Variants in FOXP2 observed in about 807,000 individuals in gnomAD.
FOXP2 encodes the protein forkhead box protein P2.
FOXP2 carries 12 observed loss-of-function variants against 115.8 expected under a neutral mutation model. The observed-to-expected ratio is 0.10, with a 90% CI of 0.07 to 0.17. The LOEUF is 0.17. FOXP2 is among the 10% of genes least tolerant of loss of function. The pLI, the probability that FOXP2 is intolerant of heterozygous loss-of-function variation, is 1.00. For synonymous variants in FOXP2, 328 were observed against 297.7 expected, an observed-to-expected ratio of 1.10 and a Z score of -1.05; for missense variants, 629 against 843.5, an observed-to-expected ratio of 0.75 and a Z score of 3.15.
intron 2 of FOXP2, among the ~76,000 whole-genome samples, chr7:114,401,960 A>G (rs1186417663): frequency 6.6e-6 from 1 of 151,976 alleles, no homozygotes; most frequent in African/African-American, 2.4e-5. Flanking sequence ...CATCTCTTCT[A>G]AAAATACAAA....
intron 2 of FOXP2, among the ~76,000 whole-genome samples, chr7:114,447,954 A>G (rs1433809370): frequency 1.3e-5 from 2 of 152,164 alleles, no homozygotes; most frequent in Non-Finnish European, 2.9e-5. Context: ...TAGCAGATGA[A>G]AAAAAAGTTT....
intron 1 of FOXP2, among the ~76,000 whole-genome samples, chr7:114,251,614 G>A (rs945594515): frequency 6.6e-6 from 1 of 152,178 alleles, no homozygotes; most frequent in East Asian, 1.9e-4. Flanking sequence ...GTATAAGAAT[G>A]CTTGTGATTT....
chr7:114,556,661 A>T (rs1253085379), intron 3 of FOXP2, among the ~76,000 whole-genome samples: 3 of 152,244 alleles, frequency 2.0e-5, no homozygotes, highest in Non-Finnish European at 4.4e-5. Flanking sequence ...AAGTAATTAA[A>T]GGGTTTGCCT....
chr7:114,399,688 G>A (rs1316281122), intron 2 of FOXP2, among the ~76,000 whole-genome samples: 1 of 152,028 alleles, frequency 6.6e-6, no homozygotes, highest in Non-Finnish European at 1.5e-5. Context: ...TTCAGTGGAG[G>A]TGGAGGCAGA....
chr7:114,211,558 A>G (rs546173096), intron 1 of FOXP2, among the ~76,000 whole-genome samples: 20 of 152,312 alleles, frequency 1.3e-4, no homozygotes, highest in African/African-American at 4.8e-4. Flanking sequence ...AAGGTGCTGA[A>G]TTCACTTGCC....
intron 3 of FOXP2, among the ~76,000 whole-genome samples, chr7:114,557,296 C>T (rs1800512416): frequency 6.6e-6 from 1 of 152,108 alleles, no homozygotes; most frequent in South Asian, 2.1e-4. Context: ...AGATTCTGTA[C>T]CCTGGCATTT....
chr7:114,581,923 T>A (rs937947243), intron 3 of FOXP2, among the ~76,000 whole-genome samples: 1 of 152,178 alleles, frequency 6.6e-6, no homozygotes, highest in Non-Finnish European at 1.5e-5. Flanking sequence ...CAATAGAATA[T>A]ACCATAGAGC....
chr7:114,271,625 AT>A (rs1434543934), intron 1 of FOXP2, among the ~76,000 whole-genome samples: 15 of 122,316 alleles, frequency 1.2e-4, no homozygotes, highest in South Asian at 9.0e-4. Context: ...AAATAATTAT[AT>A]TATTAATATA....
intron 2 of FOXP2, among the ~76,000 whole-genome samples, chr7:114,523,447 A>G (rs1198193203): frequency 6.6e-6 from 1 of 152,110 alleles, no homozygotes; most frequent in Non-Finnish European, 1.5e-5. Context: ...TGACATATGC[A>G]GAGGCTATCT....
At position 114,498,775 on chromosome 7, in the gene FOXP2, A is replaced by G. The variant is rs1165784499; in HGVS notation, c.169-35842A>G. ...CAGCATCTTATTTAATTTTATAGGC[A>G]TACTTTGCAAATAATTTTTTTGGGG... On this transcript the variant is annotated intron_variant, in intron 2 of 16. Transcript: ENST00000350908. 8 of 703,798 alleles carry G rather than the reference A, an allele frequency of 1.1e-5. No individual in the cohort carries two copies. The East Asian group carries it at 1.9e-4, about 17-fold the overall frequency. The allele number at this position is 703,798 out of a possible 1,614,324, so 43.6% of individuals were successfully genotyped here. A position where few individuals can be genotyped will look rare whatever the true frequency, so the allele number is the denominator to read the frequency against.
At chr7:114,675,162 A>C (rs1807690081) in intron 16 of FOXP2, among the ~76,000 whole-genome samples, 1 of 152,118 alleles carries the variant, frequency 6.6e-6, no homozygotes, top group Admixed American at 6.6e-5. Context: ...GTTTTCATGA[A>C]TCTACCATCA....
rs1416975538 is a variant in FOXP2, at chr7:114,691,460, A to T, written c.*1534A>T. The T allele has an allele frequency of 2.2e-6, 1 of 454,002 alleles. No homozygotes were observed. The highest frequency in any genetic ancestry group is 4.4e-6 in the Non-Finnish European group (1 of 226,758). 28.1% of individuals were successfully genotyped at this position (454,002 alleles called of 1,614,324 possible). A position where few individuals can be genotyped will look rare whatever the true frequency, so the allele number is the denominator to read the frequency against. On this transcript the variant is annotated 3_prime_UTR_variant, in exon 17 of 17. Transcript: ENST00000350908. Reference sequence around the variant, plus strand: ...CTGCCTCTGCTTATACGGGATATTAACACTAACAATACACTCCCTTCAAAG... The same window carrying T: ...CTGCCTCTGCTTATACGGGATATTATCACTAACAATACACTCCCTTCAAAG...
chr7:114,308,029 T>A (rs1021100375), intron 2 of FOXP2, among the ~76,000 whole-genome samples: 1 of 152,114 alleles, frequency 6.6e-6, no homozygotes, highest in African/African-American at 2.4e-5. Flanking sequence ...CCTCTCACCT[T>A]CCAGGGTCTA....
intron 2 of FOXP2, among the ~76,000 whole-genome samples, chr7:114,488,457 G>A (rs1796892742): frequency 6.6e-6 from 1 of 152,066 alleles, no homozygotes; most frequent in Admixed American, 6.6e-5. Flanking sequence ...AAAATATAAT[G>A]ATTTTTTATG....
rs1199731369 is a variant in FOXP2 at position 114,691,749 on chromosome 7, C to G, written c.*1823C>G. The stretch of plus-strand genomic sequence containing the variant: ...TGGCTGCTAGAGCTTAACATACGTT[C>G]CCGTTCCATGTGATGGAACCGGTTC... On this transcript the variant is annotated 3_prime_UTR_variant, in exon 17 of 17. Coordinates refer to ENST00000350908, the MANE Select transcript of FOXP2 (RefSeq NM_014491.4). 1 of 453,890 alleles carries G rather than the reference C, an allele frequency of 2.2e-6. No homozygotes were observed. The highest frequency in any genetic ancestry group is 7.0e-5 in the East Asian group (1 of 14,374). 28.1% of individuals were successfully genotyped at this position (453,890 alleles called of 1,614,324 possible).
At chr7:114,370,264 G>C (rs931085292) in intron 2 of FOXP2, among the ~76,000 whole-genome samples, 10 of 152,076 alleles carry the variant, frequency 6.6e-5, no homozygotes, top group Admixed American at 5.9e-4. Context: ...TACTTGCATG[G>C]TTCATTAAAG....
intron 2 of FOXP2, among the ~76,000 whole-genome samples, chr7:114,486,887 T>C (rs528841372): frequency 2.6e-5 from 4 of 152,190 alleles, no homozygotes; most frequent in Non-Finnish European, 5.9e-5. Flanking sequence ...CTTTGCAGGG[T>C]ACAGCCCCCA....
chr7:114,355,268 G>GC (rs1437572323), intron 2 of FOXP2, among the ~76,000 whole-genome samples: 4 of 152,048 alleles, frequency 2.6e-5, no homozygotes, highest in Non-Finnish European at 5.9e-5. Context: ...GGTGAATTTG[G>GC]CCTCCACAGG....
chr7:114,617,328 C>T (rs1804002760), intron 3 of FOXP2, among the ~76,000 whole-genome samples: 1 of 152,186 alleles, frequency 6.6e-6, no homozygotes, highest in South Asian at 2.1e-4. Context: ...CTATATATTA[C>T]TGTTAAACAT....
Sources: allele counts gnomAD v4.1 joint callset (sites outside exome capture counted in the v4.1 genomes callset), GRCh38; gene constraint gnomAD v4.1.1; transcripts MANE v1.5; gene names NCBI Gene and HGNC (gene_info 2026-07-23, HGNC 2026-07-21).